The following PARP15 variants were observed in gnomAD, a reference collection of about 807,000 sequenced individuals.
PARP15 encodes poly(ADP-ribose) polymerase family member 15, also known as protein mono-ADP-ribosyltransferase PARP15.
A neutral mutation model predicts 62.1 loss-of-function variants in PARP15; 50 were observed. That is an observed-to-expected ratio of 0.81 (90% CI 0.64 to 1.02). The LOEUF (loss-of-function observed/expected upper bound fraction) is 1.02, where lower values mean the gene tolerates loss of function less well. Ranked by LOEUF, PARP15 falls within the 50% of genes least tolerant of loss-of-function variation. The pLI is 0.00. For synonymous variants in PARP15, 309 were observed against 293.1 expected (o/e 1.05, Z -0.55); for missense variants, 820 against 826.5 (o/e 0.99, Z 0.10).
intron 1 of PARP15, among the ~76,000 whole-genome samples, chr3:122,581,379 A>C (rs1576468786): frequency 6.6e-6 from 1 of 151,986 alleles, no homozygotes; most frequent in East Asian, 1.9e-4. Flanking sequence ...CTTGTTATTT[A>C]TTTTCTTTCT....
Position 122,605,916 on chromosome 3 carries a change from C to CTTTACTGT in PARP15, c.187-16_187-9dup. On this transcript the variant is annotated intron_variant, in intron 1 of 11. Coordinates refer to ENST00000464300, the MANE Select transcript of PARP15 (RefSeq NM_001113523.3). The stretch of plus-strand genomic sequence containing the variant: ...CTTGAAATTGGCATTGCTGGTAATG[C>CTTTACTGT]TTTACTGTTTTCTCCACAGTCCAGA... 6.5e-7 allele frequency: 1 copy of CTTTACTGT among 1,549,674 alleles called. No homozygotes were observed. Among genetic ancestry groups the CTTTACTGT allele is most frequent in the African/African-American group, 1.4e-5 (1 of 73,094 alleles).
intron 5 of PARP15, 60 bp from the exon 6 acceptor site, chr3:122,616,955 G>A: frequency 6.4e-7 from 1 of 1,566,388 alleles, no homozygotes; most frequent in Non-Finnish European, 8.7e-7. Flanking sequence ...GCCCCAAGAT[G>A]AGTGCTGTTC....
intron 6 of PARP15, among the ~76,000 whole-genome samples, chr3:122,618,920 T>A (rs1462774349): frequency 6.6e-6 from 1 of 152,134 alleles, no homozygotes; most frequent in East Asian, 1.9e-4. Flanking sequence ...CTGGTGAAGA[T>A]CACTTGACAT....
Position 122,613,222 on chromosome 3 carries a change from A to G in PARP15, c.725A>G (p.Gln242Arg). ...ACAAGGCCGATAACTAGCCCTTTAC[A>G]AGAAGTCCACTTTCTGGTATATACA... is the stretch of plus-strand genomic sequence containing the variant. ...SSTRPITSPL[Q>R]EVHFLVYTND... is the part of the protein sequence containing the mutation. The change falls in exon 4 of 12, where the codon CAA (glutamine) becomes CGA (arginine). Residue 242 changes from glutamine (Q) to arginine (R), a missense_variant. Gln to Arg is a conservative substitution (Grantham distance 43). Transcript: ENST00000464300. The G allele has an allele frequency of 1.3e-6, 2 of 1,551,526 alleles. No individual in the cohort carries two copies. The highest frequency in any genetic ancestry group is 1.7e-6 in the Non-Finnish European group (2 of 1,146,600).
chr3:122,584,873 G>A (rs376616593), intron 1 of PARP15, among the ~76,000 whole-genome samples: 62 of 152,150 alleles, frequency 4.1e-4, no homozygotes, highest in Admixed American at 7.9e-4. Flanking sequence ...CTACCACGCC[G>A]GGCCCATTTC....
intron 1 of PARP15, among the ~76,000 whole-genome samples, chr3:122,593,787 T>C (rs1256944598): frequency 6.6e-6 from 1 of 152,144 alleles, no homozygotes; most frequent in African/African-American, 2.4e-5. Context: ...CACAAGTATA[T>C]ATTTACATTT....
chr3:122,606,927 C>T (rs2107525828), intron 2 of PARP15, among the ~76,000 whole-genome samples: 1 of 152,286 alleles, frequency 6.6e-6, no homozygotes, highest in South Asian at 2.1e-4. Flanking sequence ...GGATTGTGAG[C>T]CACTGGAAAT....
chr3:122,620,015 A>G (rs547540337), intron 7 of PARP15, among the ~76,000 whole-genome samples, 172 bp downstream of exon 7: 1 of 152,174 alleles, frequency 6.6e-6, no homozygotes, highest in East Asian at 1.9e-4. Flanking sequence ...GCTATGGGGG[A>G]GAGGTTCTTC....
At chr3:122,611,703 A>ATATTTATT (rs199753703) in intron 3 of PARP15, among the ~76,000 whole-genome samples, 1 of 151,446 alleles carries the variant, frequency 6.6e-6, no homozygotes. Context: ...GACTTTATGC[A>ATATTTATT]TATTTATTTA....
rs1408634407 is a variant in PARP15 at position 122,635,803 on chromosome 3, C to T, written c.1748-8C>T. 2.5e-6 allele frequency: 4 copies of T among 1,604,276 alleles called. No homozygotes were observed. The highest frequency in any genetic ancestry group is 1.7e-5 in the Admixed American group (1 of 58,452). On this transcript the variant is annotated splice_polypyrimidine_tract_variant and splice_region_variant and intron_variant, in intron 11 of 11. Coordinates refer to ENST00000464300, the MANE Select transcript of PARP15 (RefSeq NM_001113523.3). Reference sequence around the variant, plus strand: ...TTCTTAGGAAGGTTTTTGTCTTTCTCTTTCCAGCTGTATCCTATGGAAAAG... The same window carrying T: ...TTCTTAGGAAGGTTTTTGTCTTTCTTTTTCCAGCTGTATCCTATGGAAAAG...
chr3:122,623,011 C>A (rs549755733), intron 8 of PARP15, among the ~76,000 whole-genome samples: 1 of 152,200 alleles, frequency 6.6e-6, no homozygotes, highest in Non-Finnish European at 1.5e-5. Context: ...CCAGGTCCCT[C>A]TCGTATGAAC....
intron 1 of PARP15, among the ~76,000 whole-genome samples, chr3:122,591,229 G>A (rs1000736873): frequency 2.6e-5 from 4 of 152,144 alleles, no homozygotes; most frequent in Non-Finnish European, 5.9e-5. Flanking sequence ...GAACATTCAG[G>A]CACAAAAGTA....
At chr3:122,602,573 C>T (rs1317622181) in intron 1 of PARP15, among the ~76,000 whole-genome samples, 1 of 152,148 alleles carries the variant, frequency 6.6e-6, no homozygotes, top group African/African-American at 2.4e-5. Flanking sequence ...GGGAATCTGA[C>T]CTAATTTTAT....
intron 2 of PARP15, among the ~76,000 whole-genome samples, chr3:122,609,308 C>T (rs764238629): frequency 6.6e-6 from 1 of 152,046 alleles, no homozygotes; most frequent in Non-Finnish European, 1.5e-5. Context: ...CCAAGAATGC[C>T]GATTATTAGG....
At chr3:122,579,479 T>G (rs1356740464) in intron 1 of PARP15, among the ~76,000 whole-genome samples, 1 of 152,178 alleles carries the variant, frequency 6.6e-6, no homozygotes, top group Non-Finnish European at 1.5e-5. Context: ...TTTCTTTGTC[T>G]TCAACCTCTT....
intron 1 of PARP15, among the ~76,000 whole-genome samples, chr3:122,597,616 A>T (rs1488395430): frequency 2.6e-5 from 4 of 152,112 alleles, no homozygotes; most frequent in Non-Finnish European, 5.9e-5. Flanking sequence ...ATCCCAGACC[A>T]TACCTTATAT....
chr3:122,636,846 A>G lies in PARP15; in HGVS notation c.*746A>G, dbSNP rs1442510922. The G allele has an allele frequency of 2.0e-5, 3 of 152,198 alleles. No homozygotes were observed. The highest frequency in any genetic ancestry group is 4.4e-5 in the Non-Finnish European group (3 of 68,130). The allele number at this position is 152,198 out of a possible 1,614,324, so 9.4% of individuals were successfully genotyped here. A position where few individuals can be genotyped will look rare whatever the true frequency, so the allele number is the denominator to read the frequency against. ...GGCTGGAGGTCTATTTCCAAGGTGAATCACTCACATACCTGGCACGTTTCT... is the reference window on the plus strand; with the variant it reads ...GGCTGGAGGTCTATTTCCAAGGTGAGTCACTCACATACCTGGCACGTTTCT... On this transcript the variant is annotated 3_prime_UTR_variant, in exon 12 of 12. Coordinates refer to ENST00000464300, the MANE Select transcript of PARP15 (RefSeq NM_001113523.3).
Position 122,613,034 on chromosome 3 carries a change from A to G in PARP15, c.544-7A>G. ...TAACTTATGTAAATGTACTTTGCAC[A>G]TTTCAGATCATGGCAAATATAATCA... On this transcript the variant is annotated splice_region_variant and splice_polypyrimidine_tract_variant and intron_variant, in intron 3 of 11. Transcript: ENST00000464300. The G allele has an allele frequency of 1.9e-6, 3 of 1,548,642 alleles. No homozygotes were observed. The highest frequency in any genetic ancestry group is 1.2e-5 in the South Asian group (1 of 83,972).
At chr3:122,579,750 A>G (rs6438745) in intron 1 of PARP15, among the ~76,000 whole-genome samples, 56,366 of 151,538 alleles carry the variant, frequency 0.37, 10,914 homozygotes, top group Admixed American at 0.46. Context: ...AGGCCAAGGT[A>G]GGTGGATCAC....
Sources: allele counts gnomAD v4.1 joint callset (sites outside exome capture counted in the v4.1 genomes callset), GRCh38; gene constraint gnomAD v4.1.1; transcripts MANE v1.5; gene names NCBI Gene and HGNC (gene_info 2026-07-23, HGNC 2026-07-21).